Variants in FGD2 observed in about 807,000 individuals in gnomAD.
The protein encoded by FGD2 is FYVE, RhoGEF and PH domain containing 2.
In FGD2, 52 loss-of-function variants were observed where a neutral mutation model predicts 75.9. The ratio of observed to expected loss-of-function variants is 0.69; its 90% CI spans 0.55 to 0.86. The LOEUF is 0.86. FGD2 is among the 40% of genes least tolerant of loss of function. The probability of loss-of-function intolerance (pLI) is 0.00; values close to 1 mark genes in which losing one functional copy is unlikely to be tolerated. For synonymous variants in FGD2, 347 were observed against 348.6 expected, an observed-to-expected ratio of 1.00 and a Z score of 0.05; for missense variants, 790 against 872.0, an observed-to-expected ratio of 0.91 and a Z score of 1.18.
At position 37,010,964 on chromosome 6, in the gene FGD2, C is replaced by G. The variant is rs199743496; in HGVS notation, c.301-9C>G. Reference sequence around the variant, plus strand: ...TTTTTCTCCTTCTCTCCCCTCCAATCCTCCGCAGGAGCCAGAGAAGAAGAT... The same window carrying G: ...TTTTTCTCCTTCTCTCCCCTCCAATGCTCCGCAGGAGCCAGAGAAGAAGAT... On this transcript the variant is annotated splice_polypyrimidine_tract_variant and intron_variant, in intron 2 of 15. Transcript: ENST00000274963. 93 of 1,613,882 alleles carry G rather than the reference C, an allele frequency of 5.8e-5. No homozygotes were observed. In the Admixed American group the frequency reaches 1.2e-3, roughly 20 times the overall value.
intron 13 of FGD2, chr6:37,024,856 T>A (rs1765744051): frequency 6.6e-6 from 1 of 152,238 alleles, no homozygotes; most frequent in Non-Finnish European, 1.5e-5. Context: ...CAGACGGGAA[T>A]CCTTGTGAGG....
chr6:37,015,859 A>T lies in FGD2; in HGVS notation c.1121A>T (p.Lys374Met). 6.3e-7 allele frequency: 1 copy of T among 1,575,208 alleles called. No individual in the cohort carries two copies. Residue 374 changes from lysine to methionine, a missense_variant and splice_region_variant, in exon 9 of 16, where the codon AAG becomes ATG. Transcript: ENST00000274963. ...VRTRIDVAGM[K>M]VRELMDAEFP... is the part of the protein sequence containing the mutation. ...ACCCGCATCGATGTGGCCGGGATGAAGGTAAGAGGCCCCCTAAACACCACT... is the reference window on the plus strand; with the variant it reads ...ACCCGCATCGATGTGGCCGGGATGATGGTAAGAGGCCCCCTAAACACCACT...
intron 6 of FGD2, 165 bp from the exon 7 acceptor site, chr6:37,014,481 G>A (rs2150773508): frequency 2.7e-6 from 2 of 753,062 alleles, no homozygotes; most frequent in Non-Finnish European, 2.1e-6. Flanking sequence ...AGCCCTGGGG[G>A]GCTCCCGCCA....
chr6:37,016,534 A>ATTTTTT (rs59713417), intron 9 of FGD2, among the ~76,000 whole-genome samples: 1 of 136,772 alleles, frequency 7.3e-6, no homozygotes, highest in Non-Finnish European at 1.6e-5. Context: ...AATCTTCTGG[A>ATTTTTT]TTTTTTTTTT....
rs1765955531 is a variant in FGD2, at chr6:37,028,744, G to C, written c.*581G>C. ...CCGCCTCAGCCTCCCAAGTAGCTGG[G>C]ATTATAGGTGTGTGCCACTGTGCCA... On this transcript the variant is annotated 3_prime_UTR_variant, in exon 16 of 16. Coordinates refer to ENST00000274963, the MANE Select transcript of FGD2 (RefSeq NM_173558.4). The C allele has an allele frequency of 6.7e-6, 1 of 150,108 alleles. No individual in the cohort carries two copies. The highest frequency in any genetic ancestry group is 2.5e-5 in the African/African-American group (1 of 40,760). The allele number at this position is 150,108 out of a possible 1,614,324, so 9.3% of individuals were successfully genotyped here.
Position 37,013,713 on chromosome 6 carries a change from C to T in FGD2, c.632C>T (p.Ala211Val), listed in dbSNP as rs1339506336. The change falls in exon 5 of 16, where the codon GCC (alanine) becomes GTC (valine). Residue 211 changes from alanine to valine, a missense_variant. Coordinates refer to ENST00000274963, the MANE Select transcript of FGD2 (RefSeq NM_173558.4). ...TTTGAGCGAGCGGCTGAGCTGCTGG[C>T]CACCTGGACCGACAAGTCTCCACTC... ...KNFERAAELL[A>V]TWTDKSPLFQ... 6.2e-7 allele frequency: 1 copy of T among 1,614,076 alleles called. No individual in the cohort carries two copies. The highest frequency in any genetic ancestry group is 1.3e-5 in the African/African-American group (1 of 75,022).
At position 37,022,253 on chromosome 6, in the gene FGD2, G is replaced by C. The variant is rs78182287; in HGVS notation, c.1341G>C (p.Glu447Asp). 2.0e-3 allele frequency: 3,212 copies of C among 1,595,964 alleles called. 76 individuals are homozygous for C. The Admixed American group carries it at 0.038, about 19-fold the overall frequency. Residue 447 changes from glutamate (E) to aspartate (D), a missense_variant, in exon 13 of 16, where the codon GAG becomes GAC. Glu to Asp is a conservative substitution (Grantham distance 45). Coordinates refer to ENST00000274963, the MANE Select transcript of FGD2 (RefSeq NM_173558.4). ...TTAACCCACAGCTGCAGTCTGAGGA[G>C]CTGGGCCTCCGGGCACCGCAGTGGG... ...DIQEQELQSE[E>D]LGLRAPQWVR...
intron 2 of FGD2, 190 bp downstream of exon 2, chr6:37,009,255 C>T: frequency 1.7e-6 from 1 of 596,112 alleles, no homozygotes; most frequent in Non-Finnish European, 2.9e-6. Context: ...CTGCTACGCA[C>T]CGTGCTGGAT....
Position 37,010,969 on chromosome 6 carries a change from G to A in FGD2, c.301-4G>A, listed in dbSNP as rs1724088. ...CTCCTTCTCTCCCCTCCAATCCTCC[G>A]CAGGAGCCAGAGAAGAAGATCGTCC... On this transcript the variant is annotated splice_polypyrimidine_tract_variant and splice_region_variant and intron_variant, in intron 2 of 15. Coordinates refer to ENST00000274963, the MANE Select transcript of FGD2 (RefSeq NM_173558.4). 476,356 of 1,612,336 alleles carry A rather than the reference G, an allele frequency of 0.3. 72,914 individuals carry two copies. Among genetic ancestry groups the A allele is most frequent in the East Asian group, 0.53 (23,675 of 44,844 alleles).
chr6:37,011,996 G>A, intron 4 of FGD2, 142 bp downstream of exon 4: 1 of 862,022 alleles, frequency 1.2e-6, no homozygotes, highest in Non-Finnish European at 1.7e-6. Context: ...CGGTCTGTCT[G>A]CACAGTGAAG....
chr6:37,008,767 C>G, intron 1 of FGD2, 67 bp from the exon 2 acceptor site: 1 of 1,464,192 alleles, frequency 6.8e-7, no homozygotes, highest in Non-Finnish European at 9.2e-7. Flanking sequence ...AAATCCACAC[C>G]AGGGACTTGC....
chr6:37,026,517 C>G (rs1457338172), intron 14 of FGD2, among the ~76,000 whole-genome samples: 1 of 151,340 alleles, frequency 6.6e-6, no homozygotes, highest in African/African-American at 2.4e-5. Context: ...CACTTGCCCC[C>G]ACAGGTGCTC....
chr6:37,028,615 C>CTTGTTTTTTTTTTTTTTT lies in FGD2; in HGVS notation c.*454_*455insGTTTTTTTTTTTTTTTTT, dbSNP rs781196997. ...GGCTGAGTTGGGGGAGGCATGGGGT[C>CTTGTTTTTTTTTTTTTTT]TTTTTTTTTTTTTTTTTGAGACAGA... On this transcript the variant is annotated 3_prime_UTR_variant, in exon 16 of 16. Coordinates refer to ENST00000274963, the MANE Select transcript of FGD2 (RefSeq NM_173558.4). The CTTGTTTTTTTTTTTTTTT allele has an allele frequency of 1.3e-5, 1 of 79,024 alleles. No homozygotes were observed. Among genetic ancestry groups the CTTGTTTTTTTTTTTTTTT allele is most frequent in the African/African-American group, 5.5e-5 (1 of 18,142 alleles). 4.9% of individuals were successfully genotyped at this position (79,024 alleles called of 1,614,324 possible).
At position 37,011,020 on chromosome 6, in the gene FGD2, CTA is replaced by C; in HGVS notation, c.350_351del (p.Tyr117CysfsTer62). On this transcript the variant is annotated frameshift_variant, in exon 3 of 16. Coordinates refer to ENST00000274963, the MANE Select transcript of FGD2 (RefSeq NM_173558.4). LOFTEE classifies it high-confidence loss of function. Reference sequence around the variant, plus strand: ...AGGAGCTGCTGGAGACAGAGCAGGCCTATGTGGCGCGCCTCCACCTGCTAGAC... The same window carrying C: ...AGGAGCTGCTGGAGACAGAGCAGGCCTGTGGCGCGCCTCCACCTGCTAGAC... ...VQELLETEQA[Y>X]VARLHLLDQV... 1 of 1,614,186 alleles carries C rather than the reference CTA, an allele frequency of 6.2e-7. No individual in the cohort carries two copies. The highest frequency in any genetic ancestry group is 8.5e-7 in the Non-Finnish European group (1 of 1,180,024).
At chr6:37,021,092 A>G (rs1278341453) in intron 11 of FGD2, among the ~76,000 whole-genome samples, 1 of 150,294 alleles carries the variant, frequency 6.7e-6, no homozygotes, top group Non-Finnish European at 1.5e-5. Flanking sequence ...GTGTGTTTGT[A>G]TGCATGTGTA....
intron 4 of FGD2, chr6:37,013,076 GC>G (rs1765102276): frequency 6.7e-6 from 1 of 148,628 alleles, no homozygotes; most frequent in African/African-American, 2.5e-5. Context: ...TGCTGCTCAG[GC>G]TGGTCTTGAA....
At chr6:37,020,391 G>A (rs1032276838) in intron 9 of FGD2, 150 bp from the exon 10 acceptor site, 23 of 731,180 alleles carry the variant, frequency 3.1e-5, no homozygotes, top group Non-Finnish European at 5.0e-5. Context: ...GGCTCAACAG[G>A]ATTAGAGAGG....
In FGD2 at chr6:37,011,797, T is replaced by A. The variant is rs1765022278; in HGVS notation, c.470T>A (p.Ile157Asn). Residue 157 changes from isoleucine (I) to asparagine (N), a missense_variant, in exon 4 of 16, where the codon ATC becomes AAC. By Grantham distance (149) the Ile-to-Asn change is moderately radical. Transcript: ENST00000274963. ...VRVIFSNISS[I>N]YQFHSQFFLP... ...GTCATCTTCTCCAACATCTCCTCCA[T>A]CTATCAGTTCCATTCTCAGTTCTTC... 1 of 1,613,986 alleles carries A rather than the reference T, an allele frequency of 6.2e-7. No homozygotes were observed. The highest frequency in any genetic ancestry group is 1.3e-5 in the African/African-American group (1 of 74,930).
intron 9 of FGD2, among the ~76,000 whole-genome samples, chr6:37,017,492 C>G (rs1323625799): frequency 6.6e-6 from 1 of 152,236 alleles, no homozygotes; most frequent in African/African-American, 2.4e-5. Flanking sequence ...CGTCTAACCA[C>G]CACGCTCTGC....
Sources: gnomAD v4.1 joint callset for allele counts (sites outside exome capture counted in the v4.1 genomes callset) on GRCh38, gnomAD v4.1.1 for gene constraint, MANE v1.5 for transcripts, NCBI Gene and HGNC (gene_info 2026-07-23, HGNC 2026-07-21) for gene names.